Variants in ERF observed in about 807,000 individuals in gnomAD.
ERF encodes ETS2 repressor factor.
In ERF, 10 loss-of-function variants were observed where a neutral mutation model predicts 41.6. The observed-to-expected ratio is 0.24, with a 90% confidence interval of 0.15 to 0.41. The LOEUF (loss-of-function observed/expected upper bound fraction) is 0.41, where lower values mean the gene tolerates loss of function less well. Ranked by LOEUF, ERF falls within the 10% of genes least tolerant of loss-of-function variation. The pLI is 1.00. For missense variants in ERF, 621 were observed against 763.2 expected (o/e 0.81, Z 2.19); for synonymous variants, 395 against 342.4 (o/e 1.15, Z -1.70).
Position 42,254,975 on chromosome 19 carries a change from C to T in ERF, c.22+3G>A. Reference sequence around the variant, plus strand: ...CCCCCACACGTGCTGCCCCCGCCCCCACCTGTGTCCGCCGGGGTCTTCATG... The same window carrying T: ...CCCCCACACGTGCTGCCCCCGCCCCTACCTGTGTCCGCCGGGGTCTTCATG... On this transcript the variant is annotated splice_donor_region_variant and intron_variant, in intron 1 of 3. Transcript: ENST00000222329. 1.3e-6 allele frequency: 2 copies of T among 1,489,564 alleles called. No individual in the cohort carries two copies. The highest frequency in any genetic ancestry group is 8.9e-7 in the Non-Finnish European group (1 of 1,128,562). The allele number at this position is 1,489,564 out of a possible 1,614,324, so 92.3% of individuals were successfully genotyped here.
intron 1 of ERF, among the ~76,000 whole-genome samples, chr19:42,253,419 C>G (rs1357174357): frequency 6.6e-6 from 1 of 152,100 alleles, no homozygotes; most frequent in South Asian, 2.1e-4. Context: ...CCCCTCCCCT[C>G]CCCCAGCCGG....
chr19:42,253,922 C>CCCCCTT (rs1293941872), intron 1 of ERF: 5 of 1,048,810 alleles, frequency 4.8e-6, no homozygotes, highest in African/African-American at 1.7e-5. Flanking sequence ...CGGCGCCCGG[C>CCCCCTT]CCCCTTCCCC....
chr19:42,255,097 G>A lies in ERF; in HGVS notation c.-98C>T. ...CCGCGCCCGTCGGGCCGCCCTCGCC[G>A]CCTCACCCGGCCTCGCCTCTCAGAG... On this transcript the variant is annotated 5_prime_UTR_variant, in exon 1 of 4. Transcript: ENST00000222329. The A allele has an allele frequency of 9.4e-7, 1 of 1,059,148 alleles. No homozygotes were observed. The highest frequency in any genetic ancestry group is 4.3e-5 in the South Asian group (1 of 23,102). The allele number at this position is 1,059,148 out of a possible 1,614,324, so 65.6% of individuals were successfully genotyped here. A position where few individuals can be genotyped will look rare whatever the true frequency, so the allele number is the denominator to read the frequency against.
chr19:42,252,524 TG>T (rs369097732), intron 1 of ERF, among the ~76,000 whole-genome samples: 6 of 151,374 alleles, frequency 4.0e-5, no homozygotes, highest in African/African-American at 1.5e-4. Context: ...GGAAAGGAGG[TG>T]GGGGGGCTCT....
At position 42,255,058 on chromosome 19, in the gene ERF, T is replaced by A; in HGVS notation, c.-59A>T. 7.7e-7 allele frequency: 1 copy of A among 1,293,834 alleles called. No homozygotes were observed. Among genetic ancestry groups the A allele is most frequent in the Non-Finnish European group, 9.8e-7 (1 of 1,017,918 alleles). 80.1% of individuals were successfully genotyped at this position (1,293,834 alleles called of 1,614,324 possible). On this transcript the variant is annotated 5_prime_UTR_variant, in exon 1 of 4. Transcript: ENST00000222329. ...GGGCCGCGGCTCCCGGCGCCCTCGC[T>A]GCCCCGTCCCGTCCCGCGCCCGTCG... is the stretch of plus-strand genomic sequence containing the variant.
chr19:42,250,102 C>G lies in ERF; in HGVS notation c.258-160G>C. 1 of 790,390 alleles carries G rather than the reference C, an allele frequency of 1.3e-6. No individual in the cohort carries two copies. Among genetic ancestry groups the G allele is most frequent in the East Asian group, 2.6e-5 (1 of 38,612 alleles). 49.0% of individuals were successfully genotyped at this position (790,390 alleles called of 1,614,324 possible). On this transcript the variant is annotated intron_variant, in intron 2 of 3. Coordinates refer to ENST00000222329, the MANE Select transcript of ERF (RefSeq NM_006494.4). The surrounding 1 kb of genome is among the most constrained non-coding windows in gnomAD (Gnocchi z 5.1). ...CCCAGAGGGTGGGTACCAGCTCTCT[C>G]CTCACATCTAAGGCAGGACTAGAGG... is the stretch of plus-strand genomic sequence containing the variant.
At position 42,249,455 on chromosome 19, in the gene ERF, C is replaced by A; in HGVS notation, c.657G>T (p.Gly219=). 2 of 1,597,676 alleles carry A rather than the reference C, an allele frequency of 1.3e-6. No individual in the cohort carries two copies. Among genetic ancestry groups the A allele is most frequent in the Non-Finnish European group, 1.7e-6 (2 of 1,173,190 alleles). Residue 219 remains glycine, a synonymous_variant, in exon 4 of 4, where the codon GGG becomes GGT. Coordinates refer to ENST00000222329, the MANE Select transcript of ERF (RefSeq NM_006494.4). The surrounding 1 kb of genome is among the most constrained non-coding windows in gnomAD (Gnocchi z 8.6). ...CATGGGGCAGGCGGGCCAGCGGGGGCCCTCGGAAGGCACCCAGATCCGGAG... is the reference window on the plus strand; with the variant it reads ...CATGGGGCAGGCGGGCCAGCGGGGGACCTCGGAAGGCACCCAGATCCGGAG... The part of the protein sequence containing the change: ...PGPPDLGAFR[G]PPLARLPHDP...
chr19:42,248,606 C>G lies in ERF; in HGVS notation c.1506G>C (p.Gly502=). ...CRLEGGGGPA[G]GFEDEGEDKK... is the part of the protein sequence containing the mutation. ...TGTCCTCACCCTCATCCTCAAAGCC[C>G]CCAGCGGGGCCCCCACCCCCTTCGA... is the stretch of plus-strand genomic sequence containing the variant. Residue 502 remains glycine, a synonymous_variant, in exon 4 of 4, where the codon GGG becomes GGC. Transcript: ENST00000222329. This position sits in a 1 kb window ranked among gnomAD's most constrained non-coding sequence, Gnocchi z 4.2. 3 of 1,580,768 alleles carry G rather than the reference C, an allele frequency of 1.9e-6. No individual in the cohort carries two copies. Among genetic ancestry groups the G allele is most frequent in the East Asian group, 2.2e-5 (1 of 44,528 alleles).
chr19:42,253,409 C>A (rs929864501), intron 1 of ERF, among the ~76,000 whole-genome samples: 6 of 152,156 alleles, frequency 3.9e-5, no homozygotes, highest in Non-Finnish European at 8.8e-5. Context: ...AGGCCTCCTT[C>A]CCCTCCCCTC....
intron 1 of ERF, among the ~76,000 whole-genome samples, chr19:42,254,163 G>C (rs1304403450): frequency 6.6e-6 from 1 of 151,852 alleles, no homozygotes; most frequent in African/African-American, 2.4e-5. Flanking sequence ...CAAGTTGGCG[G>C]GGAAGAGAGG....
At position 42,248,432 on chromosome 19, in the gene ERF, G is replaced by C. The variant is rs573630865; in HGVS notation, c.*33C>G. Reference sequence around the variant, plus strand: ...TAAGGCAGCAAAAGAAGCATGGGGGGTGCGGGGCACACAGGTCCCCTGCCC... The same window carrying C: ...TAAGGCAGCAAAAGAAGCATGGGGGCTGCGGGGCACACAGGTCCCCTGCCC... On this transcript the variant is annotated 3_prime_UTR_variant, in exon 4 of 4. Transcript: ENST00000222329. The surrounding 1 kb of genome is among the most constrained non-coding windows in gnomAD (Gnocchi z 4.2). The C allele has an allele frequency of 2.0e-5, 29 of 1,449,178 alleles. No homozygotes were observed. In the African/African-American group the frequency reaches 3.4e-4, roughly 17 times the overall value. 89.8% of individuals were successfully genotyped at this position (1,449,178 alleles called of 1,614,324 possible).
chr19:42,253,355 G>A (rs758159046), intron 1 of ERF, among the ~76,000 whole-genome samples: 1 of 152,168 alleles, frequency 6.6e-6, no homozygotes, highest in Non-Finnish European at 1.5e-5. Context: ...GGAGCGGCAG[G>A]CCAGGAGGCA....
Position 42,250,157 on chromosome 19 carries a change from G to T in ERF, c.257+174C>A. ...ACTGGTGACTGTAATCTCTCCTCAG[G>T]ATACGTCTGTGTTACCAAGGGGCTC... On this transcript the variant is annotated intron_variant, in intron 2 of 3. Transcript: ENST00000222329. This position sits in a 1 kb window ranked among gnomAD's most constrained non-coding sequence, Gnocchi z 5.1. The T allele has an allele frequency of 1.3e-6, 1 of 782,424 alleles. No individual in the cohort carries two copies. Among genetic ancestry groups the T allele is most frequent in the Non-Finnish European group, 2.1e-6 (1 of 487,510 alleles). 48.5% of individuals were successfully genotyped at this position (782,424 alleles called of 1,614,324 possible).
In ERF at chr19:42,255,083, G is replaced by T; in HGVS notation, c.-84C>A. ...TGCCCCGTCCCGTCCCGCGCCCGTC[G>T]GGCCGCCCTCGCCGCCTCACCCGGC... On this transcript the variant is annotated 5_prime_UTR_variant, in exon 1 of 4. Coordinates refer to ENST00000222329, the MANE Select transcript of ERF (RefSeq NM_006494.4). 1 of 1,200,358 alleles carries T rather than the reference G, an allele frequency of 8.3e-7. No homozygotes were observed. The allele number at this position is 1,200,358 out of a possible 1,614,324, so 74.4% of individuals were successfully genotyped here.
chr19:42,250,309 G>A lies in ERF; in HGVS notation c.257+22C>T. Reference sequence around the variant, plus strand: ...CGGGGGGGCACTCCACATGTGCTCAGGGGTCCCCAGCCCGTCCTCACCGCA... The same window carrying A: ...CGGGGGGGCACTCCACATGTGCTCAAGGGTCCCCAGCCCGTCCTCACCGCA... On this transcript the variant is annotated intron_variant, in intron 2 of 3. Transcript: ENST00000222329. This position sits in a 1 kb window ranked among gnomAD's most constrained non-coding sequence, Gnocchi z 5.1. 9.9e-6 allele frequency: 16 copies of A among 1,610,798 alleles called. No homozygotes were observed. The highest frequency in any genetic ancestry group is 1.4e-5 in the Non-Finnish European group (16 of 1,178,032).
chr19:42,254,876 G>GA (rs1491545772), intron 1 of ERF, 102 bp downstream of exon 1: 14 of 1,324,866 alleles, frequency 1.1e-5, no homozygotes, highest in South Asian at 3.1e-5. Context: ...CAGAACTGGG[G>GA]ATCACTCGGG....
intron 1 of ERF, among the ~76,000 whole-genome samples, chr19:42,252,992 A>C (rs534917912): frequency 2.0e-4 from 30 of 152,280 alleles, no homozygotes; most frequent in African/African-American, 6.0e-4. Context: ...GACAGAGTGC[A>C]GAAGTGGCAG....
intron 1 of ERF, chr19:42,253,840 A>G (rs929650142): frequency 1.9e-6 from 2 of 1,045,320 alleles, no homozygotes; most frequent in African/African-American, 1.8e-5. Context: ...CGGGGCACAC[A>G]CCCGCACACA....
chr19:42,252,019 GAC>G (rs1183432283), intron 1 of ERF, among the ~76,000 whole-genome samples: 1 of 152,116 alleles, frequency 6.6e-6, no homozygotes, highest in African/African-American at 2.4e-5. Context: ...ATTTAAAAGT[GAC>G]AGCCTTTGAC....
Sources: gnomAD v4.1 joint callset for allele counts (sites outside exome capture counted in the v4.1 genomes callset) on GRCh38, gnomAD v4.1.1 for gene constraint, Gnocchi (gnomAD v3.1) non-coding constraint, MANE v1.5 for transcripts, NCBI Gene and HGNC (gene_info 2026-07-23, HGNC 2026-07-21) for gene names.